The following CSMD1 variants were observed in gnomAD, a reference collection of about 807,000 sequenced individuals.
The protein encoded by CSMD1 is CUB and Sushi multiple domains 1, also known as CUB and sushi domain-containing protein 1.
In CSMD1, 213 loss-of-function variants were observed where a neutral mutation model predicts 417.5. The ratio of observed to expected loss-of-function variants is 0.51; its 90% CI spans 0.46 to 0.57. CSMD1 has a LOEUF of 0.57. CSMD1 is among the 20% of genes least tolerant of loss of function. CSMD1 has a pLI of 0.00. For synonymous variants in CSMD1, 2,862 were observed against 1,736.8 expected (o/e 1.65, Z -16.11); for missense variants, 6,923 against 4,529.7 (o/e 1.53, Z -15.17).
At chr8:4,386,999 C>T (rs949182070) in intron 3 of CSMD1, among the ~76,000 whole-genome samples, 4 of 152,104 alleles carry the variant, frequency 2.6e-5, no homozygotes, top group Non-Finnish European at 5.9e-5. Flanking sequence ...GGACAGTAAT[C>T]GGCTTCATTT....
At chr8:3,274,347 A>G (rs1274661648) in intron 26 of CSMD1, among the ~76,000 whole-genome samples, 1 of 152,154 alleles carries the variant, frequency 6.6e-6, no homozygotes, top group Non-Finnish European at 1.5e-5. Context: ...TTTACTTCCA[A>G]CTATGTGGTC....
chr8:3,948,731 A>T (rs2129848592), intron 5 of CSMD1, among the ~76,000 whole-genome samples: 1 of 152,316 alleles, frequency 6.6e-6, no homozygotes, highest in South Asian at 2.1e-4. Flanking sequence ...TCAATAATAC[A>T]GTGACTTAAT....
In CSMD1 at chr8:3,156,638, A is replaced by G. The variant is rs200161884; in HGVS notation, c.5914+1259T>C. Reference sequence around the variant, plus strand: ...ATTCAAGAGGGTGCCTAAACCCTCCAATAAATATTTTAATGCAATATTTGG... The same window carrying G: ...ATTCAAGAGGGTGCCTAAACCCTCCGATAAATATTTTAATGCAATATTTGG... On this transcript the variant is annotated intron_variant, in intron 39 of 69. Coordinates refer to ENST00000635120, the MANE Select transcript of CSMD1 (RefSeq NM_033225.6). Among the ~76,000 whole-genome samples, 18 of 152,330 alleles carry G rather than the reference A, an allele frequency of 1.2e-4. No individual in the cohort carries two copies. The East Asian group carries it at 3.5e-3, about 29-fold the overall frequency.
chr8:4,147,395 C>A (rs1250661657), intron 3 of CSMD1, among the ~76,000 whole-genome samples: 1 of 152,114 alleles, frequency 6.6e-6, no homozygotes, highest in Non-Finnish European at 1.5e-5. Context: ...ACACTGCCTT[C>A]CCCACATGCT....
chr8:3,363,893 G>A (rs1212970476), intron 20 of CSMD1, among the ~76,000 whole-genome samples: 1 of 152,148 alleles, frequency 6.6e-6, no homozygotes, highest in Non-Finnish European at 1.5e-5. Context: ...GTAGAATGGG[G>A]ATTGTGCAGG....
At chr8:3,998,562 T>C (rs561902944) in intron 4 of CSMD1, among the ~76,000 whole-genome samples, 12 of 152,340 alleles carry the variant, frequency 7.9e-5, no homozygotes, top group Admixed American at 2.6e-4. Context: ...TTATTTTCCA[T>C]AAATTTGGGA....
At chr8:3,668,233 C>G (rs944823002) in intron 7 of CSMD1, among the ~76,000 whole-genome samples, 1 of 152,166 alleles carries the variant, frequency 6.6e-6, no homozygotes, top group Non-Finnish European at 1.5e-5. Context: ...CCGTCCACCA[C>G]TGCTGGATCT....
chr8:4,444,868 G>A (rs1485002435), intron 2 of CSMD1, among the ~76,000 whole-genome samples: 1 of 152,186 alleles, frequency 6.6e-6, no homozygotes, highest in Non-Finnish European at 1.5e-5. Context: ...TCCTGCTGCA[G>A]CCAAGGTAAT....
intron 54 of CSMD1, among the ~76,000 whole-genome samples, chr8:2,994,963 T>A (rs911321694): frequency 6.6e-6 from 1 of 152,122 alleles, no homozygotes; most frequent in African/African-American, 2.4e-5. Flanking sequence ...TGCAAAGTGA[T>A]AGACAAAATA....
intron 7 of CSMD1, among the ~76,000 whole-genome samples, chr8:3,641,312 G>C (rs13282896): frequency 0.35 from 53,491 of 151,842 alleles, 10,212 homozygotes; most frequent in Middle Eastern, 0.5. Flanking sequence ...GTGGAGAACG[G>C]GTGAGTCACT....
intron 3 of CSMD1, among the ~76,000 whole-genome samples, chr8:4,079,540 C>T (rs997524138): frequency 1.3e-5 from 2 of 152,278 alleles, no homozygotes; most frequent in Middle Eastern, 3.4e-3. Context: ...GATGCCAAAA[C>T]ACTGAAGATA....
intron 2 of CSMD1, among the ~76,000 whole-genome samples, chr8:4,604,641 G>C (rs1473295529): frequency 6.6e-6 from 1 of 152,038 alleles, no homozygotes; most frequent in Non-Finnish European, 1.5e-5. Context: ...CAAATGAAAT[G>C]GAATCAGAAC....
At chr8:3,815,879 G>A (rs1323947311) in intron 5 of CSMD1, among the ~76,000 whole-genome samples, 1 of 152,060 alleles carries the variant, frequency 6.6e-6, no homozygotes, top group Admixed American at 6.5e-5. Flanking sequence ...CTCCAGACTT[G>A]TTACACTAAA....
intron 26 of CSMD1, among the ~76,000 whole-genome samples, chr8:3,272,712 T>G (rs1434278831): frequency 6.9e-6 from 1 of 145,648 alleles, no homozygotes; most frequent in South Asian, 2.2e-4. Flanking sequence ...GGGAGTTCAC[T>G]CCTGATTTGG....
chr8:3,294,709 AG>A (rs1159632918), intron 25 of CSMD1, among the ~76,000 whole-genome samples: 1 of 152,150 alleles, frequency 6.6e-6, no homozygotes, highest in Non-Finnish European at 1.5e-5. Flanking sequence ...CCGATTTTCC[AG>A]GTGCCATCTG....
At chr8:4,420,383 A>T (rs570746340) in intron 2 of CSMD1, among the ~76,000 whole-genome samples, 6 of 151,506 alleles carry the variant, frequency 4.0e-5, no homozygotes, top group Non-Finnish European at 8.8e-5. Context: ...TTTTTATTTG[A>T]ATTTTTAAGT....
At chr8:3,797,933 T>C (rs1231505950) in intron 5 of CSMD1, among the ~76,000 whole-genome samples, 1 of 152,058 alleles carries the variant, frequency 6.6e-6, no homozygotes, top group African/African-American at 2.4e-5. Context: ...TCAAGTTTTG[T>C]AATTTTAGCT....
At chr8:4,569,864 T>A (rs1246885743) in intron 2 of CSMD1, among the ~76,000 whole-genome samples, 1 of 152,200 alleles carries the variant, frequency 6.6e-6, no homozygotes, top group East Asian at 1.9e-4. Context: ...TCACATCACT[T>A]GTAAGTTGTA....
At chr8:3,864,653 G>A (rs1180181953) in intron 5 of CSMD1, among the ~76,000 whole-genome samples, 1 of 152,038 alleles carries the variant, frequency 6.6e-6, no homozygotes, top group African/African-American at 2.4e-5. Flanking sequence ...GGTGTGTGAT[G>A]TTCCCCTGAA....
Sources: gnomAD v4.1 joint callset for allele counts (sites outside exome capture counted in the v4.1 genomes callset) on GRCh38, gnomAD v4.1.1 for gene constraint, MANE v1.5 for transcripts, NCBI Gene and HGNC (gene_info 2026-07-23, HGNC 2026-07-21) for gene names.